The following PNPLA1 variants were observed in gnomAD, a reference collection of about 807,000 sequenced individuals.
PNPLA1 encodes the protein omega-hydroxyceramide transacylase.
A neutral mutation model predicts 51.7 loss-of-function variants in PNPLA1; 36 were observed. The observed-to-expected ratio is 0.70, with a 90% confidence interval of 0.53 to 0.92. PNPLA1 has a LOEUF of 0.92. PNPLA1 is among the 40% of genes least tolerant of loss of function. PNPLA1 has a pLI of 0.00. For synonymous variants in PNPLA1, 293 were observed against 280.1 expected, an observed-to-expected ratio of 1.05 and a Z score of -0.46; for missense variants, 658 against 682.5, an observed-to-expected ratio of 0.96 and a Z score of 0.40.
chr6:36,280,843 G>A (rs1770256961), intron 1 of PNPLA1, among the ~76,000 whole-genome samples: 1 of 152,200 alleles, frequency 6.6e-6, no homozygotes, highest in African/African-American at 2.4e-5. Context: ...AGGCTGGAGT[G>A]CAGAGGCGCC....
intron 1 of PNPLA1, among the ~76,000 whole-genome samples, chr6:36,250,974 T>A (rs1769409534): frequency 6.6e-6 from 1 of 152,176 alleles, no homozygotes; most frequent in East Asian, 1.9e-4. Context: ...AGTGCTGGGA[T>A]TACAGGTGTG....
At chr6:36,291,109 G>T (rs1347591286) in intron 1 of PNPLA1, among the ~76,000 whole-genome samples, 1 of 152,204 alleles carries the variant, frequency 6.6e-6, no homozygotes, top group Non-Finnish European at 1.5e-5. Flanking sequence ...CTAGCTCTGG[G>T]CTCTCCGGAG....
intron 8 of PNPLA1, among the ~76,000 whole-genome samples, 151 bp from the exon 9 acceptor site, chr6:36,311,612 G>A (rs1049065631): frequency 6.6e-6 from 1 of 152,176 alleles, no homozygotes; most frequent in Admixed American, 6.5e-5. Flanking sequence ...CTCTGGGCTC[G>A]GCAAGTGTCT....
intron 1 of PNPLA1, among the ~76,000 whole-genome samples, chr6:36,281,695 G>A (rs1410252644): frequency 6.6e-6 from 1 of 152,054 alleles, no homozygotes. Flanking sequence ...TACACTCCAT[G>A]TGTCAAGCAA....
At chr6:36,257,259 G>A (rs752296490) in intron 1 of PNPLA1, among the ~76,000 whole-genome samples, 12 of 152,114 alleles carry the variant, frequency 7.9e-5, no homozygotes, top group African/African-American at 2.9e-4. Context: ...CCCCAACAAC[G>A]CTTTCTTTCT....
At chr6:36,246,215 T>C (rs927002462) in intron 1 of PNPLA1, among the ~76,000 whole-genome samples, 7 of 150,278 alleles carry the variant, frequency 4.7e-5, no homozygotes, top group Admixed American at 6.6e-5. Flanking sequence ...ATTTTTGGAT[T>C]TTTTTTTTTG....
intron 6 of PNPLA1, among the ~76,000 whole-genome samples, chr6:36,304,785 C>G (rs181103371): frequency 6.6e-6 from 1 of 152,130 alleles, no homozygotes; most frequent in Non-Finnish European, 1.5e-5. Flanking sequence ...CACCCCAAGT[C>G]GGCATTCCTC....
intron 1 of PNPLA1, among the ~76,000 whole-genome samples, chr6:36,262,539 C>T (rs1769674955): frequency 6.6e-6 from 1 of 152,206 alleles, no homozygotes; most frequent in African/African-American, 2.4e-5. Flanking sequence ...GAAAACAACA[C>T]AAGAGGCTAG....
intron 8 of PNPLA1, among the ~76,000 whole-genome samples, chr6:36,308,983 A>G (rs1210469271): frequency 1.3e-5 from 2 of 152,172 alleles, no homozygotes; most frequent in African/African-American, 4.8e-5. Flanking sequence ...GCACTGCTAT[A>G]TAATTTGCTT....
intron 1 of PNPLA1, among the ~76,000 whole-genome samples, chr6:36,246,756 C>T (rs1471824231): frequency 6.6e-6 from 1 of 152,158 alleles, no homozygotes; most frequent in Non-Finnish European, 1.5e-5. Context: ...ACAAGATCCT[C>T]CCAGGTGTTT....
chr6:36,278,742 G>C (rs1169924040), intron 1 of PNPLA1, among the ~76,000 whole-genome samples: 1 of 152,210 alleles, frequency 6.6e-6, no homozygotes, highest in Admixed American at 6.5e-5. Flanking sequence ...TCAAGATGCA[G>C]ACAAGGAGTT....
intron 3 of PNPLA1, 96 bp downstream of exon 3, chr6:36,293,222 T>C: frequency 8.0e-7 from 1 of 1,253,366 alleles, no homozygotes; most frequent in Non-Finnish European, 1.2e-6. Flanking sequence ...GGTCTCAGAA[T>C]GCAGCGGGAG....
rs139026091 is a variant in PNPLA1, at chr6:36,291,492, C to T, written c.378C>T (p.Arg126=). The T allele has an allele frequency of 3.5e-5, 53 of 1,524,918 alleles. No individual in the cohort carries two copies. The African/African-American group carries it at 5.8e-4, about 17-fold the overall frequency. 94.5% of individuals were successfully genotyped at this position (1,524,918 alleles called of 1,614,324 possible). ...GGAAGCTCCATGTGAGCCTCACCCGCTTAACGGACGGGGAGAATGTGGTGG... is the reference window on the plus strand; with the variant it reads ...GGAAGCTCCATGTGAGCCTCACCCGTTTAACGGACGGGGAGAATGTGGTGG... ...TTGKLHVSLT[R]LTDGENVVVS... Residue 126 remains arginine (R), a synonymous_variant, in exon 2 of 9, where the codon CGC becomes CGT. Transcript: ENST00000636260.
chr6:36,287,692 TAGAC>T (rs376884115), intron 1 of PNPLA1, among the ~76,000 whole-genome samples: 16 of 150,022 alleles, frequency 1.1e-4, no homozygotes, highest in South Asian at 8.4e-4. Context: ...AGGAGAGAGA[TAGAC>T]AGAGACAGAG....
intron 1 of PNPLA1, among the ~76,000 whole-genome samples, chr6:36,243,775 C>T (rs1205309652): frequency 6.6e-6 from 1 of 152,098 alleles, no homozygotes; most frequent in Non-Finnish European, 1.5e-5. Flanking sequence ...ATAGGGAGTG[C>T]CATGGACTGG....
intron 5 of PNPLA1, among the ~76,000 whole-genome samples, chr6:36,300,161 T>TTGTGTGTTTGTG (rs1770986229): frequency 9.7e-6 from 1 of 102,956 alleles, no homozygotes; most frequent in South Asian, 3.1e-4. Flanking sequence ...TTTCTTATTC[T>TTGTGTGTTTGTG]TGTGTGTGTG....
At chr6:36,295,897 TG>T (rs1198065659) in intron 5 of PNPLA1, among the ~76,000 whole-genome samples, 1 of 152,216 alleles carries the variant, frequency 6.6e-6, no homozygotes, top group Non-Finnish European at 1.5e-5. Context: ...CCTTGCCCTA[TG>T]TAGGTTTGGA....
chr6:36,262,648 C>T (rs1271741783), intron 1 of PNPLA1, among the ~76,000 whole-genome samples: 1 of 152,196 alleles, frequency 6.6e-6, no homozygotes, highest in East Asian at 1.9e-4. Context: ...CATGCATATA[C>T]ATACAGAAGC....
At chr6:36,263,974 CCCTTT>C (rs1165016412) in intron 1 of PNPLA1, among the ~76,000 whole-genome samples, 2 of 152,224 alleles carry the variant, frequency 1.3e-5, no homozygotes, top group Non-Finnish European at 2.9e-5. Flanking sequence ...CGCTTCCCTT[CCCTTT>C]CCCACGGAAA....
Sources: allele counts gnomAD v4.1 joint callset (sites outside exome capture counted in the v4.1 genomes callset), GRCh38; gene constraint gnomAD v4.1.1; transcripts MANE v1.5; gene names NCBI Gene and HGNC (gene_info 2026-07-23, HGNC 2026-07-21).